TTN: variants seen among roughly 807,000 people sequenced by gnomAD.
TTN encodes connectin.
A neutral mutation model predicts 3,223.0 loss-of-function variants in TTN; 1,525 were observed. The observed-to-expected ratio is 0.47, with a 90% CI of 0.45 to 0.49. The LOEUF is 0.49. Among genes scored for constraint, TTN ranks in the 20% least tolerant of loss-of-function variants. The pLI is 0.00. For synonymous variants in TTN, 14,094 were observed against 15,161.0 expected, an observed-to-expected ratio of 0.93 and a Z score of 5.17; for missense variants, 40,786 against 43,424.0, an observed-to-expected ratio of 0.94 and a Z score of 5.40.
At chr2:178,782,666 A>C in intron 18 of TTN, 64 bp from the exon 19 acceptor site, 1 of 1,606,366 alleles carries the variant, frequency 6.2e-7, no homozygotes, top group Non-Finnish European at 8.5e-7. Flanking sequence ...TAGCACTGAC[A>C]GTTAAATTGA....
chr2:178,721,294 T>C (rs1317428386), intron 78 of TTN, 92 bp from the exon 79 acceptor site: 3 of 1,114,546 alleles, frequency 2.7e-6, no homozygotes, highest in East Asian at 5.6e-5. Context: ...TAAATTTATA[T>C]TTAAACTGGT....
In TTN at chr2:178,569,261, G is replaced by A; in HGVS notation, c.76871C>T (p.Pro25624Leu). The change falls in exon 326 of 363, where the codon CCT (proline) becomes CTT (leucine). Residue 25624 changes from proline (P) to leucine (L), a missense_variant. Transcript: ENST00000589042. ...TTTGGATCCCCCATCCAACAAAGGA[G>A]GTTCCCATGTAATTGATACTGAGTC... is the stretch of plus-strand genomic sequence containing the variant. ...TKDSVSITWE[P>L]PLLDGGSKIK... 1 of 1,605,378 alleles carries A rather than the reference G, an allele frequency of 6.2e-7. No homozygotes were observed. Among genetic ancestry groups the A allele is most frequent in the Non-Finnish European group, 8.5e-7 (1 of 1,175,226 alleles).
rs2092214772 is a variant in TTN, at chr2:178,776,271, T to C, written c.5593A>G (p.Thr1865Ala). Residue 1865 changes from threonine to alanine, a missense_variant, in exon 28 of 363, where the codon ACA (threonine) becomes GCA (alanine). Coordinates refer to ENST00000589042, the MANE Select transcript of TTN (RefSeq NM_001267550.2). ...TTGACTTTGGGCTGAGGGTAGCCTG[T>C]TACCCTGCAGCGGAACCTTGCAGTC... The part of the protein sequence containing the change: ...GETARFRCRV[T>A]GYPQPKVNWY... The C allele has an allele frequency of 1.2e-6, 2 of 1,614,034 alleles. No individual in the cohort carries two copies. Among genetic ancestry groups the C allele is most frequent in the South Asian group, 1.1e-5 (1 of 91,094 alleles).
intron 6 of TTN, among the ~76,000 whole-genome samples, chr2:178,795,464 A>T (rs2093718444): frequency 6.6e-6 from 1 of 152,138 alleles, no homozygotes; most frequent in South Asian, 2.1e-4. Context: ...TAAGAGAATC[A>T]GCTTTAATTC....
chr2:178,734,005 T>A, intron 52 of TTN, 113 bp from the exon 53 acceptor site: 1 of 1,045,116 alleles, frequency 9.6e-7, no homozygotes, highest in Non-Finnish European at 1.3e-6. Context: ...TACTACTATT[T>A]CATAGTGTTA....
In TTN at chr2:178,677,629, G is replaced by A. The variant is rs1577290900; in HGVS notation, c.34283C>T (p.Pro11428Leu). The A allele has an allele frequency of 5.6e-6, 9 of 1,610,422 alleles. No homozygotes were observed. Among genetic ancestry groups the A allele is most frequent in the Middle Eastern group, 1.7e-4 (1 of 6,036 alleles). ...LPEVKPKVPV[P>L]APVPEVPKKP... Reference sequence around the variant, plus strand: ...AAGAAGAGCTGCTATACCTGGTGCAGGTACTGGCACCTTAGGTTTAACTTC... The same window carrying A: ...AAGAAGAGCTGCTATACCTGGTGCAAGTACTGGCACCTTAGGTTTAACTTC... Residue 11428 changes from proline to leucine, a missense_variant, in exon 146 of 363, where the codon CCT (proline) becomes CTT (leucine). Transcript: ENST00000589042.
At position 178,593,572 on chromosome 2, in the gene TTN, A is replaced by G. The variant is rs727504475; in HGVS notation, c.58728T>C (p.Arg19576=). The change falls in exon 298 of 363, where the codon CGT becomes CGC. Residue 19576 remains arginine (R), a synonymous_variant. Coordinates refer to ENST00000589042, the MANE Select transcript of TTN (RefSeq NM_001267550.2). ...LVSDSMKAKD[R]FRVPDAPDQP... ...AAAAAGAAACATAATGCATACTGAAACGATCTTTGGCTTTCATTGAATCAG... is the reference window on the plus strand; with the variant it reads ...AAAAAGAAACATAATGCATACTGAAGCGATCTTTGGCTTTCATTGAATCAG... 1 of 1,611,466 alleles carries G rather than the reference A, an allele frequency of 6.2e-7. No individual in the cohort carries two copies.
intron 5 of TTN, 40 bp downstream of exon 5, chr2:178,799,785 C>A: frequency 6.2e-7 from 1 of 1,614,206 alleles, no homozygotes; most frequent in Non-Finnish European, 8.5e-7. Flanking sequence ...GGGGACGCAA[C>A]AGCCTGAAAG....
intron 47 of TTN, chr2:178,745,323 T>C: frequency 7.7e-7 from 1 of 1,305,482 alleles, no homozygotes; most frequent in South Asian, 1.8e-5. Context: ...AACAATTAGG[T>C]AGCCAAGGAG....
In TTN at chr2:178,777,962, G is replaced by A. The variant is rs757889400; in HGVS notation, c.4222C>T (p.Arg1408Cys). ...CGTATAGGAGACCTGCTCACTGAACGTGGAGAGAGAGATCTGCAAAACAAA... is the reference window on the plus strand; with the variant it reads ...CGTATAGGAGACCTGCTCACTGAACATGGAGAGAGAGATCTGCAAAACAAA... ...PVSRIRSLSP[R>C]SVSRSPIRMS... Residue 1408 changes from arginine (R) to cysteine (C), a missense_variant, in exon 25 of 363, where the codon CGT becomes TGT. Arg to Cys is a radical substitution (Grantham distance 180). Coordinates refer to ENST00000589042, the MANE Select transcript of TTN (RefSeq NM_001267550.2). 22 of 1,613,778 alleles carry A rather than the reference G, an allele frequency of 1.4e-5. 1 individual carries two copies. The highest frequency in any genetic ancestry group is 1.2e-4 in the South Asian group (11 of 91,064).
At position 178,583,059 on chromosome 2, in the gene TTN, T is replaced by C. The variant is rs758259657; in HGVS notation, c.65744A>G (p.Gln21915Arg). Residue 21915 changes from glutamine to arginine, a missense_variant, in exon 313 of 363, where the codon CAG becomes CGG. Transcript: ENST00000589042. ...TAGCTCCAAGGTGCACAGATTCCGC[T>C]GCATGGCCATCTTTATGCCTTCTGC... ...KPAEGIKMAM[Q>R]RNLCTLELFS... 2 of 1,611,398 alleles carry C rather than the reference T, an allele frequency of 1.2e-6. No homozygotes were observed. Among genetic ancestry groups the C allele is most frequent in the Admixed American group, 1.7e-5 (1 of 59,782 alleles).
In TTN at chr2:178,785,838, A is replaced by T; in HGVS notation, c.2370+10T>A. On this transcript the variant is annotated intron_variant, in intron 14 of 362. Transcript: ENST00000589042. ...TGAACAAGGTGAAAAATCAGCAGGT[A>T]TAGACTCACCTGTGATGATATGTGC... The T allele has an allele frequency of 1.2e-6, 2 of 1,614,160 alleles. No individual in the cohort carries two copies. Among genetic ancestry groups the T allele is most frequent in the South Asian group, 2.2e-5 (2 of 91,074 alleles).
intron 6 of TTN, among the ~76,000 whole-genome samples, chr2:178,797,579 G>T (rs979707280): frequency 6.6e-6 from 1 of 151,844 alleles, no homozygotes; most frequent in Non-Finnish European, 1.5e-5. Flanking sequence ...TCAATATTTT[G>T]CTTGTTTATG....
chr2:178,782,372 C>A lies in TTN; in HGVS notation c.3220G>T (p.Ala1074Ser), dbSNP rs775661612. The A allele has an allele frequency of 5.6e-6, 9 of 1,614,100 alleles. No homozygotes were observed. In the East Asian group the frequency reaches 2.0e-4, roughly 36 times the overall value. ...GGCGCGGCAGGTTCTCCAGGCCCTG[C>A]TTGTTCCTCTGTGAGGCTAGTATCA... ...MTDTSLTEEQ[A>S]GPGEPAAPYF... The change falls in exon 20 of 363, where the codon GCA (alanine) becomes TCA (serine). Residue 1074 changes from alanine (A) to serine (S), a missense_variant. By Grantham distance (99) the Ala-to-Ser change is moderately conservative. Coordinates refer to ENST00000589042, the MANE Select transcript of TTN (RefSeq NM_001267550.2).
Position 178,734,939 on chromosome 2 carries a change from T to G in TTN, c.14985A>C (p.Pro4995=), listed in dbSNP as rs760725256. 9 of 1,608,748 alleles carry G rather than the reference T, an allele frequency of 5.6e-6. No homozygotes were observed. The highest frequency in any genetic ancestry group is 5.9e-6 in the Non-Finnish European group (7 of 1,177,016). Residue 4995 remains proline, a synonymous_variant, in exon 51 of 363, where the codon CCA becomes CCC. Coordinates refer to ENST00000589042, the MANE Select transcript of TTN (RefSeq NM_001267550.2). ...TGCAATGGAGGCGTGCTGATTCACC[T>G]GGGAGCATTAAATAAGAGGGATCCA... The part of the protein sequence containing the change: ...KKVDPSYLML[P]GESARLHCKL...
rs1277307313 is a variant in TTN at position 178,585,201 on chromosome 2, C to T, written c.64543G>A (p.Val21515Met). The change falls in exon 309 of 363, where the codon GTG becomes ATG. Residue 21515 changes from valine to methionine, a missense_variant. By Grantham distance (21) the Val-to-Met change is conservative. Transcript: ENST00000589042. ...DEVVTSSHLA[V>M]HKADSSSILI... ...ATTGAAGAGCTGTCTGCTTTATGCA[C>T]TGCCAGGTGGCTGGATGTGACAACT... is the stretch of plus-strand genomic sequence containing the variant. 1 of 1,613,400 alleles carries T rather than the reference C, an allele frequency of 6.2e-7. No individual in the cohort carries two copies. Among genetic ancestry groups the T allele is most frequent in the Non-Finnish European group, 8.5e-7 (1 of 1,179,486 alleles).
At position 178,636,971 on chromosome 2, in the gene TTN, A is replaced by G. The variant is rs2060514196; in HGVS notation, c.40928-172T>C. ...TTATACTGCCTTGTTTCAGGCAGGA[A>G]AATGAGATGGTATAAGGAATCCATG... On this transcript the variant is annotated intron_variant, in intron 224 of 362. Coordinates refer to ENST00000589042, the MANE Select transcript of TTN (RefSeq NM_001267550.2). This position sits in a 1 kb window ranked among gnomAD's most constrained non-coding sequence, Gnocchi z 4.3. Among the ~76,000 whole-genome samples the G allele has an allele frequency of 6.6e-6, 1 of 151,748 alleles. No homozygotes were observed. Among genetic ancestry groups the G allele is most frequent in the Non-Finnish European group, 1.5e-5 (1 of 67,888 alleles).
In TTN at chr2:178,544,363, A is replaced by G. The variant is rs1696042845; in HGVS notation, c.95866T>C (p.Trp31956Arg). The change falls in exon 345 of 363, where the codon TGG becomes CGG. Residue 31956 changes from tryptophan (W) to arginine (R), a missense_variant. By Grantham distance (101) the Trp-to-Arg change is moderately radical. Coordinates refer to ENST00000589042, the MANE Select transcript of TTN (RefSeq NM_001267550.2). ...GTGGCATTGGTATGCACTCGGTACC[A>G]CTGATCAGTGTCCTTCTCTTGCATT... is the stretch of plus-strand genomic sequence containing the variant. ...LEMQEKDTDQWYRVHTNATIR... is the reference protein window; with the variant it reads ...LEMQEKDTDQRYRVHTNATIR... 2.5e-6 allele frequency: 4 copies of G among 1,613,644 alleles called. No homozygotes were observed. The highest frequency in any genetic ancestry group is 1.7e-5 in the Admixed American group (1 of 59,972).
At chr2:178,799,392 G>A in intron 6 of TTN, 95 bp downstream of exon 6, 8 of 1,591,232 alleles carry the variant, frequency 5.0e-6, no homozygotes, top group East Asian at 2.2e-5. Flanking sequence ...CACTCTCCGC[G>A]TCGCATGCCC....
Sources: allele counts gnomAD v4.1 joint callset (sites outside exome capture counted in the v4.1 genomes callset), GRCh38; gene constraint gnomAD v4.1.1; non-coding constraint Gnocchi (gnomAD v3.1); transcripts MANE v1.5; gene names NCBI Gene and HGNC (gene_info 2026-07-23, HGNC 2026-07-21).